The following EIF2A variants were observed in gnomAD, a reference collection of about 807,000 sequenced individuals.
EIF2A encodes the protein 65 kDa eukaryotic translation initiation factor 2A.
EIF2A carries 62 observed loss-of-function variants against 75.2 expected under a neutral mutation model. The observed-to-expected ratio is 0.82, with a 90% confidence interval of 0.67 to 1.02. The LOEUF (loss-of-function observed/expected upper bound fraction) is 1.02. EIF2A is among the 50% of genes least tolerant of loss of function. The pLI, the probability that EIF2A is intolerant of heterozygous loss-of-function variation, is 0.00. For synonymous variants in EIF2A, 207 were observed against 239.0 expected, an observed-to-expected ratio of 0.87 and a Z score of 1.23; for missense variants, 611 against 677.7, an observed-to-expected ratio of 0.90 and a Z score of 1.09.
chr3:150,555,949 G>A (rs114904846), intron 2 of EIF2A, among the ~76,000 whole-genome samples: 1,575 of 152,226 alleles, frequency 0.01, 21 homozygotes, highest in Non-Finnish European at 0.011. Context: ...AGGCTGTATG[G>A]AACATTTGTA....
intron 3 of EIF2A, among the ~76,000 whole-genome samples, chr3:150,560,472 C>T (rs1723790086): frequency 3.3e-5 from 5 of 151,734 alleles, no homozygotes; most frequent in Admixed American, 3.3e-4. Context: ...GCTCCAGTTG[C>T]AAAGCAAAGA....
chr3:150,572,558 A>G, intron 10 of EIF2A, 29 bp downstream of exon 10: 2 of 1,567,836 alleles, frequency 1.3e-6, no homozygotes, highest in Non-Finnish European at 1.7e-6. Flanking sequence ...CTTTTATAGA[A>G]AAAAGTTTAT....
chr3:150,583,183 A>G lies in EIF2A; in HGVS notation c.1627-17A>G. On this transcript the variant is annotated splice_polypyrimidine_tract_variant and intron_variant, in intron 12 of 13. Coordinates refer to ENST00000460851, the MANE Select transcript of EIF2A (RefSeq NM_032025.5). ...GACTTTTCTTCCATGCTCTTGACTC[A>G]TATTTGATGTTTGCAGAAACTGAAA... The G allele has an allele frequency of 6.2e-7, 1 of 1,607,476 alleles. No individual in the cohort carries two copies. Among genetic ancestry groups the G allele is most frequent in the Non-Finnish European group, 8.5e-7 (1 of 1,177,966 alleles).
At chr3:150,552,147 A>C (rs1723347152) in intron 1 of EIF2A, among the ~76,000 whole-genome samples, 1 of 152,212 alleles carries the variant, frequency 6.6e-6, no homozygotes, top group African/African-American at 2.4e-5. Context: ...AGTTTTATTT[A>C]AAAAGTTACG....
chr3:150,554,938 C>CT (rs35403287), intron 2 of EIF2A, among the ~76,000 whole-genome samples: 11 of 151,032 alleles, frequency 7.3e-5, no homozygotes, highest in Non-Finnish European at 8.9e-5. Context: ...TTTATATGCA[C>CT]TTTTTTTTTT....
At position 150,572,000 on chromosome 3, in the gene EIF2A, C is replaced by T; in HGVS notation, c.854C>T (p.Ser285Phe). The change falls in exon 10 of 14, where the codon TCT (serine) becomes TTT (phenylalanine). Residue 285 changes from serine (S) to phenylalanine (F), a missense_variant. Ser to Phe is a radical substitution (Grantham distance 155, BLOSUM62 -2). Transcript: ENST00000460851. ...TATGATGTAGTTTGGAATTCTAGTT[C>T]TACTGAGTTTTGTGCTGTATATGGT... ...PIYDVVWNSS[S>F]TEFCAVYGFM... is the part of the protein sequence containing the mutation. 6.2e-7 allele frequency: 1 copy of T among 1,612,976 alleles called. No individual in the cohort carries two copies. Among genetic ancestry groups the T allele is most frequent in the Non-Finnish European group, 8.5e-7 (1 of 1,179,546 alleles).
rs564329374 is a variant in EIF2A at position 150,567,754 on chromosome 3, C to T, written c.537C>T (p.Pro179=). The T allele has an allele frequency of 7.7e-6, 12 of 1,565,350 alleles. No individual in the cohort carries two copies. The Middle Eastern group carries it at 6.7e-4, about 88-fold the overall frequency. Residue 179 remains proline, a synonymous_variant, in exon 7 of 14, where the codon CCC becomes CCT. Transcript: ENST00000460851. ...ATGATTTTGTATTATCACCTGGACCCCAACCATACAAGGTAATTGCTGTTT... is the reference window on the plus strand; with the variant it reads ...ATGATTTTGTATTATCACCTGGACCTCAACCATACAAGGTAATTGCTGTTT... ...KINDFVLSPG[P]QPYKVAVYVP...
intron 1 of EIF2A, among the ~76,000 whole-genome samples, chr3:150,549,909 A>G (rs996850993): frequency 9.2e-5 from 14 of 152,180 alleles, no homozygotes; most frequent in African/African-American, 3.4e-4. Flanking sequence ...AAACTAATAC[A>G]TAGTTCAGTG....
At chr3:150,549,955 A>G (rs1242445130) in intron 1 of EIF2A, among the ~76,000 whole-genome samples, 3 of 152,212 alleles carry the variant, frequency 2.0e-5, no homozygotes, top group Non-Finnish European at 4.4e-5. Context: ...TATTTTAAAG[A>G]TGACTACACC....
intron 1 of EIF2A, 107 bp downstream of exon 1, chr3:150,546,937 C>T: frequency 6.6e-7 from 1 of 1,509,814 alleles, no homozygotes; most frequent in East Asian, 2.3e-5. Context: ...TCTGCCTTTT[C>T]TTGTGGCTTG....
intron 1 of EIF2A, among the ~76,000 whole-genome samples, chr3:150,549,081 A>G (rs1723190731): frequency 6.6e-6 from 1 of 151,702 alleles, no homozygotes; most frequent in Non-Finnish European, 1.5e-5. Flanking sequence ...GTTAACCCCA[A>G]CTCTTAATTG....
At chr3:150,575,792 C>T in intron 11 of EIF2A, 30 bp downstream of exon 11, 1 of 1,571,180 alleles carries the variant, frequency 6.4e-7, no homozygotes, top group Non-Finnish European at 8.7e-7. Flanking sequence ...CATAACAAAA[C>T]AAATAGTCAG....
Position 150,552,389 on chromosome 3 carries a change from G to A in EIF2A, c.62G>A (p.Gly21Glu). 2 of 1,553,250 alleles carry A rather than the reference G, an allele frequency of 1.3e-6. No homozygotes were observed. The highest frequency in any genetic ancestry group is 1.7e-6 in the Non-Finnish European group (2 of 1,147,524). Residue 21 changes from glycine to glutamate, a missense_variant, in exon 2 of 14, where the codon GGA becomes GAA. Gly to Glu is a moderately conservative substitution (Grantham distance 98, BLOSUM62 -2). Transcript: ENST00000460851. Reference protein sequence around the residue: ...RGSEGLYMVNGPPHFTESTVF... With the variant: ...RGSEGLYMVNEPPHFTESTVF... The stretch of plus-strand genomic sequence containing the variant: ...TCAGAAGGACTGTACATGGTGAATG[G>A]ACCACCACATTTTACAGAAAGCACA...
chr3:150,557,761 T>C, intron 2 of EIF2A: 2 of 290,882 alleles, frequency 6.9e-6, no homozygotes, highest in South Asian at 2.7e-5. Flanking sequence ...TATTGTGTGA[T>C]TGCAGAAGCA....
At chr3:150,562,432 AG>A in intron 3 of EIF2A, 109 bp from the exon 4 acceptor site, 1 of 790,734 alleles carries the variant, frequency 1.3e-6, no homozygotes, top group Non-Finnish European at 1.9e-6. Context: ...AAAAAAAAAA[AG>A]TCAACATTTT....
At chr3:150,564,171 ATTTATAAGTG>A (rs1163973297) in intron 5 of EIF2A, 118 bp from the exon 6 acceptor site, 3 of 699,376 alleles carry the variant, frequency 4.3e-6, no homozygotes, top group South Asian at 4.7e-5. Context: ...TTAATATCAT[ATTTATAAGTG>A]TTTATAAGTG....
chr3:150,574,939 A>C (rs1724770614), intron 10 of EIF2A, among the ~76,000 whole-genome samples: 1 of 152,218 alleles, frequency 6.6e-6, no homozygotes, highest in Admixed American at 6.5e-5. Flanking sequence ...TAGTGCCATC[A>C]CTTATACTGT....
intron 1 of EIF2A, among the ~76,000 whole-genome samples, chr3:150,550,457 G>A (rs1723260830): frequency 6.6e-6 from 1 of 152,012 alleles, no homozygotes; most frequent in South Asian, 2.1e-4. Flanking sequence ...AATAAACTTT[G>A]TATCACAGCT....
chr3:150,579,640 G>A (rs1393248150), intron 11 of EIF2A, among the ~76,000 whole-genome samples: 6 of 151,732 alleles, frequency 4.0e-5, no homozygotes, highest in Admixed American at 3.9e-4. Flanking sequence ...GCTTGAACCC[G>A]GGAGGTGGAG....
Sources: allele counts gnomAD v4.1 joint callset (sites outside exome capture counted in the v4.1 genomes callset), GRCh38; gene constraint gnomAD v4.1.1; transcripts MANE v1.5; gene names NCBI Gene and HGNC (gene_info 2026-07-23, HGNC 2026-07-21).